Variants in BTBD9 observed in about 807,000 individuals in gnomAD.
BTBD9 encodes BTB domain containing 9.
In BTBD9, 49 loss-of-function variants were observed where a neutral mutation model predicts 64.3. The ratio of observed to expected loss-of-function variants is 0.76; its 90% CI spans 0.61 to 0.97. The LOEUF is 0.97. BTBD9 is among the 50% of genes least tolerant of loss of function. The pLI is 0.00. For synonymous variants in BTBD9, 260 were observed against 274.7 expected (o/e 0.95, Z 0.53); for missense variants, 598 against 762.1 (o/e 0.78, Z 2.53).
intron 9 of BTBD9, among the ~76,000 whole-genome samples, chr6:38,213,753 G>A (rs944942325): frequency 6.6e-6 from 1 of 152,198 alleles, no homozygotes; most frequent in Admixed American, 6.5e-5. Context: ...AGGCTGAGGC[G>A]GGCGGATCAT....
In BTBD9 at chr6:38,580,404, C is replaced by T; in HGVS notation, c.848G>A (p.Gly283Glu). 6.2e-7 allele frequency: 1 copy of T among 1,614,118 alleles called. No homozygotes were observed. The highest frequency in any genetic ancestry group is 8.5e-7 in the Non-Finnish European group (1 of 1,179,982). Residue 283 changes from glycine to glutamate, a missense_variant, in exon 5 of 11, where the codon GGA becomes GAA. Transcript: ENST00000481247. ...CAGCTCCCCCTTTACAACTTGGGCT[C>T]CATACTTCATAGTTGCAATGTTTTC... Reference protein sequence around the residue: ...PEENIATMKYGAQVVKGELKS... With the variant: ...PEENIATMKYEAQVVKGELKS...
At chr6:38,206,585 A>G (rs1762662282) in intron 9 of BTBD9, among the ~76,000 whole-genome samples, 1 of 152,088 alleles carries the variant, frequency 6.6e-6, no homozygotes, top group Non-Finnish European at 1.5e-5. Context: ...AAAAAAGGTG[A>G]TCATAGTACA....
chr6:38,486,027 T>G (rs1457582774), intron 6 of BTBD9, among the ~76,000 whole-genome samples: 1 of 152,256 alleles, frequency 6.6e-6, no homozygotes, highest in Non-Finnish European at 1.5e-5. Flanking sequence ...CTTGCATTTT[T>G]ATGTTATGGA....
At chr6:38,391,736 T>C (rs762394084) in intron 6 of BTBD9, among the ~76,000 whole-genome samples, 5 of 152,122 alleles carry the variant, frequency 3.3e-5, no homozygotes, top group African/African-American at 7.2e-5. Flanking sequence ...TAGGTCAGCA[T>C]TGATCACTCT....
At chr6:38,337,863 T>G (rs1763955409) in intron 7 of BTBD9, among the ~76,000 whole-genome samples, 1 of 152,212 alleles carries the variant, frequency 6.6e-6, no homozygotes, top group Non-Finnish European at 1.5e-5. Context: ...TGTTTTTTTG[T>G]TCTGCCAACA....
rs562424529 is a variant in BTBD9 at position 38,397,405 on chromosome 6, G to C, written c.1155-52312C>G. On this transcript the variant is annotated intron_variant, in intron 6 of 10. Transcript: ENST00000481247. ...GGACAAACCATTGCCAGATAGAAAT[G>C]ACTGGCTGTGGAAGAGGGGAGGAAT... Among the ~76,000 whole-genome samples the C allele has an allele frequency of 2.0e-5, 3 of 152,320 alleles. No homozygotes were observed. In the South Asian group the frequency reaches 6.2e-4, roughly 32 times the overall value.
chr6:38,520,757 A>C (rs1773238802), intron 6 of BTBD9, among the ~76,000 whole-genome samples: 1 of 151,824 alleles, frequency 6.6e-6, no homozygotes, highest in African/African-American at 2.4e-5. Context: ...ACACAGAGAG[A>C]CCACATCTCT....
At chr6:38,231,358 G>A (rs1295242587) in intron 9 of BTBD9, among the ~76,000 whole-genome samples, 2 of 152,146 alleles carry the variant, frequency 1.3e-5, no homozygotes, top group Non-Finnish European at 2.9e-5. Context: ...CACATTGCTG[G>A]TGCAGAATTA....
intron 6 of BTBD9, among the ~76,000 whole-genome samples, chr6:38,475,080 G>A (rs916024615): frequency 1.3e-5 from 2 of 151,982 alleles, no homozygotes; most frequent in East Asian, 1.9e-4. Context: ...ATAATGTAGG[G>A]AAAAGTAAAA....
intron 9 of BTBD9, among the ~76,000 whole-genome samples, chr6:38,243,885 T>C (rs1261924853): frequency 2.0e-5 from 3 of 152,158 alleles, no homozygotes; most frequent in Non-Finnish European, 2.9e-5. Context: ...TTTTCCTTCT[T>C]CTTTTTTAAA....
intron 7 of BTBD9, among the ~76,000 whole-genome samples, chr6:38,334,826 A>G (rs2127583856): frequency 6.6e-6 from 1 of 152,154 alleles, no homozygotes; most frequent in East Asian, 1.9e-4. Flanking sequence ...AAACAAGAGC[A>G]GTAAAAATTT....
intron 6 of BTBD9, among the ~76,000 whole-genome samples, chr6:38,535,674 G>C (rs1773994233): frequency 6.6e-6 from 1 of 152,020 alleles, no homozygotes; most frequent in Non-Finnish European, 1.5e-5. Context: ...TAGACCAACG[G>C]AACAGAATTG....
At position 38,171,281 on chromosome 6, in the gene BTBD9, T is replaced by C. The variant is rs1203639048; in HGVS notation, c.*3704A>G. 6.6e-6 allele frequency: 1 copy of C among 152,222 alleles called. No homozygotes were observed. Among genetic ancestry groups the C allele is most frequent in the Non-Finnish European group, 1.5e-5 (1 of 68,040 alleles). The allele number at this position is 152,222 out of a possible 1,614,324, so 9.4% of individuals were successfully genotyped here. A position where few individuals can be genotyped will look rare whatever the true frequency, so the allele number is the denominator to read the frequency against. On this transcript the variant is annotated 3_prime_UTR_variant, in exon 11 of 11. Coordinates refer to ENST00000481247, the MANE Select transcript of BTBD9 (RefSeq NM_001099272.2). ...GGGCGACAGCATAATACTGGGCAAT[T>C]TTTTGCACAATTCAAAAGCTTTTTT... is the stretch of plus-strand genomic sequence containing the variant.
chr6:38,238,963 T>C (rs2127522991), intron 9 of BTBD9, among the ~76,000 whole-genome samples: 1 of 152,098 alleles, frequency 6.6e-6, no homozygotes, highest in African/African-American at 2.4e-5. Flanking sequence ...CCTGAACAAG[T>C]TTTTCAGGCT....
chr6:38,244,476 G>A (rs1764113005), intron 9 of BTBD9, among the ~76,000 whole-genome samples: 1 of 151,988 alleles, frequency 6.6e-6, no homozygotes, highest in African/African-American at 2.4e-5. Context: ...TTAAGTTTGG[G>A]CTTTTTTTTT....
intron 7 of BTBD9, among the ~76,000 whole-genome samples, chr6:38,344,269 G>A (rs940567725): frequency 8.6e-5 from 13 of 152,034 alleles, no homozygotes; most frequent in African/African-American, 3.1e-4. Flanking sequence ...GTCAAGACCT[G>A]GGATGGACTG....
chr6:38,364,369 G>T (rs1252555892), intron 6 of BTBD9, among the ~76,000 whole-genome samples: 1 of 152,144 alleles, frequency 6.6e-6, no homozygotes, highest in African/African-American at 2.4e-5. Context: ...CAGTGATGAT[G>T]ATGTCATCAT....
intron 6 of BTBD9, among the ~76,000 whole-genome samples, chr6:38,349,075 T>A (rs1764398874): frequency 6.6e-6 from 1 of 151,986 alleles, no homozygotes; most frequent in South Asian, 2.1e-4. Flanking sequence ...GCCTAGCAAA[T>A]TTTTTTGTAG....
intron 6 of BTBD9, among the ~76,000 whole-genome samples, chr6:38,375,029 C>T (rs923549464): frequency 6.6e-6 from 1 of 152,182 alleles, no homozygotes; most frequent in African/African-American, 2.4e-5. Context: ...GGAGTATATA[C>T]TGAATCATTC....
Sources: allele counts gnomAD v4.1 joint callset (sites outside exome capture counted in the v4.1 genomes callset), GRCh38; gene constraint gnomAD v4.1.1; transcripts MANE v1.5; gene names NCBI Gene and HGNC (gene_info 2026-07-23, HGNC 2026-07-21).